UBE2V1: variants seen among roughly 807,000 people sequenced by gnomAD.
UBE2V1 encodes ubiquitin conjugating enzyme E2 V1.
UBE2V1 carries 15 observed loss-of-function variants against 19.6 expected under a neutral mutation model. The observed-to-expected ratio is 0.77, with a 90% CI of 0.51 to 1.18. The LOEUF (loss-of-function observed/expected upper bound fraction) is 1.18. Ranked by LOEUF, UBE2V1 falls within the 50% of genes most tolerant of loss-of-function variation. The probability of loss-of-function intolerance (pLI) is 0.00; values close to 1 mark genes in which losing one functional copy is unlikely to be tolerated. For missense variants in UBE2V1, 125 were observed against 184.8 expected, an observed-to-expected ratio of 0.68 and a Z score of 1.88; for synonymous variants, 60 against 60.7, an observed-to-expected ratio of 0.99 and a Z score of 0.05.
chr20:50,086,678 G>C (rs1414742813), intron 2 of UBE2V1, among the ~76,000 whole-genome samples: 1 of 151,994 alleles, frequency 6.6e-6, no homozygotes, highest in Non-Finnish European at 1.5e-5. Flanking sequence ...ACATTTTAAG[G>C]AATCAAATTT....
In UBE2V1 at chr20:50,084,168, T is replaced by G. The variant is rs759168212; in HGVS notation, c.258A>C (p.Thr86=). 1.9e-6 allele frequency: 3 copies of G among 1,608,266 alleles called. No individual in the cohort carries two copies. The highest frequency in any genetic ancestry group is 1.7e-4 in the Middle Eastern group (1 of 5,996). The change falls in exon 3 of 4, where the codon ACA becomes ACC. Residue 86 remains threonine, a synonymous_variant. Coordinates refer to ENST00000371674, the MANE Select transcript of UBE2V1 (RefSeq NM_001032288.3). ...TATTTACTCCATTCATATTAATTTTTGTTACAAATCTTACAAAGGGGGGTG... is the reference window on the plus strand; with the variant it reads ...TATTTACTCCATTCATATTAATTTTGGTTACAAATCTTACAAAGGGGGGTG... ...PEAPPFVRFV[T]KINMNGVNSS...
chr20:50,096,886 G>C, intron 1 of UBE2V1, 66 bp from the exon 2 acceptor site: 4 of 1,593,466 alleles, frequency 2.5e-6, no homozygotes, highest in Non-Finnish European at 3.4e-6. Flanking sequence ...CCTAGAGCTA[G>C]CTGCTCATTA....
Position 50,113,125 on chromosome 20 carries a change from C to A in UBE2V1, c.4G>T (p.Ala2Ser), listed in dbSNP as rs1019016029. The change falls in exon 1 of 4, where the codon GCA becomes TCA. Residue 2 changes from alanine (A) to serine (S), a missense_variant. Physicochemically the swap from Ala to Ser is moderately conservative, Grantham distance 99. Around this residue, in one of 3 missense-constraint regions of UBE2V1, gnomAD observed 28 missense variants for 22.5 expected, o/e 1.25. Coordinates refer to ENST00000371674, the MANE Select transcript of UBE2V1 (RefSeq NM_001032288.3). ...CGCTCACCCGAGCCCGTGGTGGCTG[C>A]CATCTTGCGTCGCTCTTGCTTGAAG... M[A>S]ATTGSGVKVP... 2.2e-6 allele frequency: 3 copies of A among 1,372,698 alleles called. No homozygotes were observed. Among genetic ancestry groups the A allele is most frequent in the Non-Finnish European group, 1.9e-6 (2 of 1,047,950 alleles). The allele number at this position is 1,372,698 out of a possible 1,614,324, so 85.0% of individuals were successfully genotyped here. A position where few individuals can be genotyped will look rare whatever the true frequency, so the allele number is the denominator to read the frequency against.
At chr20:50,094,589 T>G (rs1365937312) in intron 2 of UBE2V1, among the ~76,000 whole-genome samples, 2 of 152,038 alleles carry the variant, frequency 1.3e-5, no homozygotes, top group Non-Finnish European at 2.9e-5. Flanking sequence ...TGCTTGAACC[T>G]TGAAAAAATT....
upstream of UBE2V1, chr20:50,115,469 C>T: frequency 6.4e-7 from 1 of 1,553,708 alleles, no homozygotes; most frequent in Non-Finnish European, 8.8e-7. Context: ...CATTTGGGTT[C>T]CTAAGGTGGA....
intron 1 of UBE2V1, among the ~76,000 whole-genome samples, chr20:50,101,819 A>C (rs2080020324): frequency 2.0e-5 from 3 of 152,198 alleles, no homozygotes; most frequent in Non-Finnish European, 2.9e-5. Flanking sequence ...GTCAGTGTGG[A>C]AACAAGATAT....
At chr20:50,100,184 G>A (rs2079894769) in intron 1 of UBE2V1, among the ~76,000 whole-genome samples, 1 of 151,476 alleles carries the variant, frequency 6.6e-6, no homozygotes, top group Non-Finnish European at 1.5e-5. Flanking sequence ...AGGAGGCTGA[G>A]ACAGGAGGAC....
chr20:50,090,464 ACT>A (rs1186471865), intron 2 of UBE2V1, among the ~76,000 whole-genome samples: 2 of 140,394 alleles, frequency 1.4e-5, no homozygotes, highest in African/African-American at 5.6e-5. Flanking sequence ...ACAGTGCGAG[ACT>A]CTGTCTCAAA....
At chr20:50,089,898 A>G (rs2079125197) in intron 2 of UBE2V1, among the ~76,000 whole-genome samples, 1 of 148,126 alleles carries the variant, frequency 6.8e-6, no homozygotes, top group Admixed American at 6.6e-5. Context: ...TCCTTTAGGT[A>G]TCACCCCAGT....
intron 3 of UBE2V1, 137 bp downstream of exon 3, chr20:50,083,992 C>A: frequency 7.3e-7 from 1 of 1,369,016 alleles, no homozygotes; most frequent in Non-Finnish European, 9.8e-7. Flanking sequence ...CAAATCTGTG[C>A]TCCTATGCAC....
chr20:50,105,113 A>G (rs889093231), intron 1 of UBE2V1, among the ~76,000 whole-genome samples: 2 of 152,250 alleles, frequency 1.3e-5, no homozygotes, highest in South Asian at 2.1e-4. Flanking sequence ...CCCAAATCAC[A>G]TAAGTCAAAG....
chr20:50,100,581 T>A (rs1455888367), intron 1 of UBE2V1, among the ~76,000 whole-genome samples: 1 of 148,942 alleles, frequency 6.7e-6, no homozygotes, highest in Non-Finnish European at 1.5e-5. Flanking sequence ...CAAGACTCCA[T>A]CTCCAAAAAA....
At chr20:50,084,450 G>C (rs1194180693) in intron 2 of UBE2V1, 196 bp from the exon 3 acceptor site, 14 of 943,278 alleles carry the variant, frequency 1.5e-5, no homozygotes, top group Non-Finnish European at 2.3e-5. Context: ...GGCCTTGGGG[G>C]AATACAAAGA....
At chr20:50,094,217 CATAT>C (rs2079459138) in intron 2 of UBE2V1, among the ~76,000 whole-genome samples, 2 of 56,106 alleles carry the variant, frequency 3.6e-5, no homozygotes, top group Admixed American at 1.7e-4. Flanking sequence ...TAATATATAA[CATAT>C]GCATTATATA....
intron 1 of UBE2V1, among the ~76,000 whole-genome samples, chr20:50,105,965 C>A (rs78573902): frequency 4.0e-5 from 6 of 148,540 alleles, no homozygotes; most frequent in Non-Finnish European, 7.4e-5. Flanking sequence ...AAAAAACAAA[C>A]AAACAAAAGG....
intron 2 of UBE2V1, 124 bp from the exon 3 acceptor site, chr20:50,084,378 A>G: frequency 6.4e-7 from 1 of 1,572,558 alleles, no homozygotes; most frequent in Non-Finnish European, 8.7e-7. Context: ...CATGGAGTCT[A>G]CTTGTTCTGT....
chr20:50,093,841 T>A (rs532520615), intron 2 of UBE2V1, among the ~76,000 whole-genome samples: 137 of 150,678 alleles, frequency 9.1e-4, no homozygotes, highest in Non-Finnish European at 1.5e-3. Context: ...AATACAAAAT[T>A]AGCTGGGCGT....
At chr20:50,110,406 C>A (rs1408065153) in intron 1 of UBE2V1, among the ~76,000 whole-genome samples, 1 of 152,206 alleles carries the variant, frequency 6.6e-6, no homozygotes, top group Non-Finnish European at 1.5e-5. Flanking sequence ...TCAGCCCTTA[C>A]AGGAACTCAA....
upstream of UBE2V1, among the ~76,000 whole-genome samples, chr20:50,114,249 C>G (rs1165849345): frequency 6.6e-6 from 1 of 152,204 alleles, no homozygotes; most frequent in African/African-American, 2.4e-5. Context: ...AGGACCAGGA[C>G]TCTAAACATA....
Sources: gnomAD v4.1 joint callset for allele counts (sites outside exome capture counted in the v4.1 genomes callset) on GRCh38, gnomAD v4.1.1 for gene constraint, gnomAD v4.1.1 regional missense constraint, MANE v1.5 for transcripts, NCBI Gene and HGNC (gene_info 2026-07-23, HGNC 2026-07-21) for gene names.